Variants in NLGN4X observed in about 807,000 individuals in gnomAD.
NLGN4X encodes neuroligin 4 X-linked.
A neutral mutation model predicts 40.3 loss-of-function variants in NLGN4X; 3 were observed. The ratio of observed to expected loss-of-function variants is 0.07; its 90% CI spans 0.03 to 0.19. The LOEUF is 0.19. Ranked by LOEUF, NLGN4X falls within the 10% of genes least tolerant of loss-of-function variation. The pLI, the probability that NLGN4X is intolerant of heterozygous loss-of-function variation, is 1.00. For missense variants in NLGN4X, 382 were observed against 708.3 expected, an observed-to-expected ratio of 0.54 and a Z score of 5.23; for synonymous variants, 270 against 306.8, an observed-to-expected ratio of 0.88 and a Z score of 1.25.
At chrX:6,225,559 T>C (rs1423896393) in intron 1 of NLGN4X, among the ~76,000 whole-genome samples, 1 of 108,622 alleles carries the variant, frequency 9.2e-6, no homozygotes, top group Non-Finnish European at 1.9e-5. Context: ...AGAAGGAAGC[T>C]ACCCCGGATT....
chrX:6,214,611 T>C lies in NLGN4X; in HGVS notation c.-306+13930A>G, dbSNP rs1315381153. On this transcript the variant is annotated intron_variant, in intron 1 of 5. Transcript: ENST00000381095. ...GAATCCACCAGTTTTTGCAGAAAGA[T>C]AGAGCCAAGTGCGGTGGCTCGCACC... Among the ~76,000 whole-genome samples the C allele has an allele frequency of 3.6e-5, 4 of 111,672 alleles. No individual in the cohort carries two copies. The East Asian group carries it at 1.1e-3, about 31-fold the overall frequency.
intron 2 of NLGN4X, among the ~76,000 whole-genome samples, chrX:6,051,811 C>A (rs375546829): frequency 9.0e-6 from 1 of 111,001 alleles, no homozygotes; most frequent in Non-Finnish European, 1.9e-5. Context: ...CATGCCCTCC[C>A]GTAATCCCAG....
intron 1 of NLGN4X, among the ~76,000 whole-genome samples, chrX:6,200,698 T>TC (rs1569295937): frequency 3.5e-5 from 3 of 85,977 alleles, no homozygotes; most frequent in African/African-American, 4.8e-5. Flanking sequence ...TTTTTTTTTT[T>TC]TTTTTTTTTA....
At chrX:6,123,880 T>C (rs920157089) in intron 2 of NLGN4X, among the ~76,000 whole-genome samples, 1 of 103,215 alleles carries the variant, frequency 9.7e-6, no homozygotes, top group Non-Finnish European at 2.0e-5. Context: ...TTGATAAATA[T>C]AAAATATAAA....
chrX:6,119,192 G>A (rs1162696680), intron 2 of NLGN4X, among the ~76,000 whole-genome samples: 2 of 111,944 alleles, frequency 1.8e-5, no homozygotes, highest in African/African-American at 6.5e-5. Flanking sequence ...CCAGATCATA[G>A]TAGGTCCTCA....
chrX:6,008,341 A>G (rs911575376), intron 3 of NLGN4X, among the ~76,000 whole-genome samples: 1 of 112,024 alleles, frequency 8.9e-6, no homozygotes, highest in African/African-American at 3.2e-5. Flanking sequence ...GATAAACATA[A>G]CAGAATGCGG....
chrX:6,168,757 C>A (rs1032816615), intron 1 of NLGN4X, among the ~76,000 whole-genome samples: 3 of 111,585 alleles, frequency 2.7e-5, no homozygotes, highest in Admixed American at 1.9e-4. Context: ...TAGGCGTGAG[C>A]CACTGCACCT....
At chrX:6,085,063 G>A (rs1445001183) in intron 2 of NLGN4X, among the ~76,000 whole-genome samples, 1 of 108,697 alleles carries the variant, frequency 9.2e-6, no homozygotes, top group Non-Finnish European at 1.9e-5. Flanking sequence ...TTGATATCTG[G>A]ATGCACCCTT....
At chrX:5,971,801 G>A (rs2035027358) in intron 3 of NLGN4X, among the ~76,000 whole-genome samples, 1 of 111,625 alleles carries the variant, frequency 9.0e-6, no homozygotes, top group Non-Finnish European at 1.9e-5. Context: ...GGCAACCACG[G>A]TATGTTCTGT....
In NLGN4X at chrX:6,151,136, G is replaced by T; in HGVS notation, c.331C>A (p.Pro111Thr). The T allele has an allele frequency of 8.3e-7, 1 of 1,211,019 alleles. No individual in the cohort carries two copies. The highest frequency in any genetic ancestry group is 1.1e-6 in the Non-Finnish European group (1 of 894,757). Residue 111 changes from proline (P) to threonine (T), a missense_variant, in exon 2 of 6, where the codon CCC (proline) becomes ACC (threonine). This residue lies in a region of NLGN4X where 115 missense variants were observed against 149.6 expected (regional missense o/e 0.77). Transcript: ENST00000381095. ...RNTTQFAAVCPQHLDERSLLH... is the reference protein window; with the variant it reads ...RNTTQFAAVCTQHLDERSLLH... Reference sequence around the variant, plus strand: ...AAGGATCTCTCATCCAGGTGCTGGGGGCACACAGCAGCAAACTGAGTAGTA... The same window carrying T: ...AAGGATCTCTCATCCAGGTGCTGGGTGCACACAGCAGCAAACTGAGTAGTA...
intron 3 of NLGN4X, among the ~76,000 whole-genome samples, chrX:5,965,045 T>A (rs1336377145): frequency 8.9e-6 from 1 of 111,852 alleles, no homozygotes; most frequent in Non-Finnish European, 1.9e-5. Context: ...GCAACTGTCT[T>A]AGGTGGATCG....
intron 2 of NLGN4X, among the ~76,000 whole-genome samples, chrX:6,070,905 G>A (rs770009445): frequency 9.0e-6 from 1 of 111,448 alleles, no homozygotes; most frequent in African/African-American, 3.3e-5. Flanking sequence ...GAATAAGGGA[G>A]ACCACCCCCA....
intron 3 of NLGN4X, among the ~76,000 whole-genome samples, chrX:5,959,508 T>C (rs1233867829): frequency 8.9e-6 from 1 of 111,914 alleles, no homozygotes; most frequent in Non-Finnish European, 1.9e-5. Flanking sequence ...GCTGTGTGGA[T>C]TGAGATGTGA....
chrX:6,082,834 G>C (rs1170541386), intron 2 of NLGN4X, among the ~76,000 whole-genome samples: 1 of 107,958 alleles, frequency 9.3e-6, no homozygotes, highest in East Asian at 3.0e-4. Flanking sequence ...ACAAGAAAAA[G>C]TAAAAGAAGC....
At chrX:5,945,031 A>G (rs1335340388) in intron 3 of NLGN4X, among the ~76,000 whole-genome samples, 1 of 112,323 alleles carries the variant, frequency 8.9e-6, no homozygotes, top group Non-Finnish European at 1.9e-5. Flanking sequence ...AGTGTCTAAT[A>G]AAACAAAATA....
At chrX:6,020,747 T>C in intron 3 of NLGN4X, among the ~76,000 whole-genome samples, 1 of 111,287 alleles carries the variant, frequency 9.0e-6, no homozygotes, top group Non-Finnish European at 1.9e-5. Context: ...AATGAATACA[T>C]TAGGGAAAAA....
intron 3 of NLGN4X, among the ~76,000 whole-genome samples, chrX:6,001,303 T>G (rs1300410815): frequency 8.9e-6 from 1 of 112,170 alleles, no homozygotes; most frequent in Non-Finnish European, 1.9e-5. Flanking sequence ...AAAGTGACTA[T>G]GTGAACTGTA....
At position 5,970,539 on chromosome X, in the gene NLGN4X, CA is replaced by C. The variant is rs755469783; in HGVS notation, c.625+58740del. Reference sequence around the variant, plus strand: ...TTAAAATCATATCTCCTCTCTGAAACATTTTTTCTTCTCTGGATCTAAACTG... The same window carrying C: ...TTAAAATCATATCTCCTCTCTGAAACTTTTTTCTTCTCTGGATCTAAACTG... On this transcript the variant is annotated intron_variant, in intron 3 of 5. Transcript: ENST00000381095. 7.2e-5 allele frequency among the ~76,000 whole-genome samples: 8 copies of C among 111,655 alleles called. No individual in the cohort carries two copies. The South Asian group carries it at 2.6e-3, about 37-fold the overall frequency.
chrX:6,058,921 G>A (rs907249636), intron 2 of NLGN4X, among the ~76,000 whole-genome samples: 2 of 111,571 alleles, frequency 1.8e-5, no homozygotes, highest in African/African-American at 6.5e-5. Flanking sequence ...TGATTTAGTA[G>A]AAATATAATC....
Sources: allele counts gnomAD v4.1 joint callset (sites outside exome capture counted in the v4.1 genomes callset), GRCh38; gene constraint gnomAD v4.1.1; regional missense constraint gnomAD v4.1.1; transcripts MANE v1.5; gene names NCBI Gene and HGNC (gene_info 2026-07-23, HGNC 2026-07-21).